MED25: variants seen among roughly 807,000 people sequenced by gnomAD.
MED25 encodes the protein mediator complex subunit 25.
A neutral mutation model predicts 89.4 loss-of-function variants in MED25; 62 were observed. The observed-to-expected ratio is 0.69, with a 90% CI of 0.57 to 0.86. The LOEUF (loss-of-function observed/expected upper bound fraction) is 0.86, where lower values mean the gene tolerates loss of function less well. MED25 is among the 40% of genes least tolerant of loss of function. The pLI, the probability that MED25 is intolerant of heterozygous loss-of-function variation, is 0.00. For missense variants in MED25, 905 were observed against 1,005.2 expected (o/e 0.90, Z 1.35); for synonymous variants, 449 against 427.9 (o/e 1.05, Z -0.61).
chr19:49,832,227 G>A, intron 12 of MED25, 70 bp downstream of exon 12: 1 of 1,562,472 alleles, frequency 6.4e-7, no homozygotes, highest in Admixed American at 1.8e-5. Flanking sequence ...CCTGTTCCCT[G>A]CCCCACCCCC....
At chr19:49,824,756 C>T (rs1474577613) in intron 3 of MED25, among the ~76,000 whole-genome samples, 1 of 152,178 alleles carries the variant, frequency 6.6e-6, no homozygotes, top group African/African-American at 2.4e-5. Flanking sequence ...TAGGCAAGGT[C>T]CTGGCCCTCA....
In MED25 at chr19:49,831,153, G is replaced by A. The variant is rs1414502800; in HGVS notation, c.1102-180G>A. Among the ~76,000 whole-genome samples the A allele has an allele frequency of 6.6e-6, 1 of 152,180 alleles. No individual in the cohort carries two copies. The highest frequency in any genetic ancestry group is 1.5e-5 in the Non-Finnish European group (1 of 68,018). On this transcript the variant is annotated intron_variant, in intron 9 of 17. Coordinates refer to ENST00000312865, the MANE Select transcript of MED25 (RefSeq NM_030973.4). The surrounding 1 kb of genome is among the most constrained non-coding windows in gnomAD (Gnocchi z 5.0). ...GAGTCCAGGGCATCGCACAGCTTACGAGTCCTCGAATCCTGCAAGGTCCAA... is the reference window on the plus strand; with the variant it reads ...GAGTCCAGGGCATCGCACAGCTTACAAGTCCTCGAATCCTGCAAGGTCCAA...
chr19:49,825,870 A>G (rs1250946707), intron 3 of MED25, among the ~76,000 whole-genome samples: 2 of 151,808 alleles, frequency 1.3e-5, no homozygotes, highest in Non-Finnish European at 2.9e-5. Flanking sequence ...GACACCCCAT[A>G]TGCATGAAGC....
downstream of MED25, chr19:49,839,307 G>T (rs2074119383): frequency 6.1e-6 from 1 of 164,400 alleles, no homozygotes; most frequent in Non-Finnish European, 1.3e-5. Context: ...AGGGGGACTT[G>T]GCAGGACACC....
chr19:49,835,274 C>T lies in MED25; in HGVS notation c.1674+97C>T. 7.5e-7 allele frequency: 1 copy of T among 1,330,074 alleles called. No homozygotes were observed. The highest frequency in any genetic ancestry group is 1.1e-6 in the Non-Finnish European group (1 of 923,532). The allele number at this position is 1,330,074 out of a possible 1,614,324, so 82.4% of individuals were successfully genotyped here. A position where few individuals can be genotyped will look rare whatever the true frequency, so the allele number is the denominator to read the frequency against. ...CTCCAGGACCAAGATGCCCACCCTT[C>T]TCCCAATATGTGGTGCCTCCAAGCT... On this transcript the variant is annotated intron_variant, in intron 14 of 17. Coordinates refer to ENST00000312865, the MANE Select transcript of MED25 (RefSeq NM_030973.4). The surrounding 1 kb of genome is among the most constrained non-coding windows in gnomAD (Gnocchi z 6.2).
chr19:49,829,460 G>T lies in MED25; in HGVS notation c.526-326G>T, dbSNP rs557452107. Among the ~76,000 whole-genome samples, 1 of 152,110 alleles carries T rather than the reference G, an allele frequency of 6.6e-6. No individual in the cohort carries two copies. The highest frequency in any genetic ancestry group is 1.5e-5 in the Non-Finnish European group (1 of 68,018). On this transcript the variant is annotated intron_variant, in intron 5 of 17. Transcript: ENST00000312865. This position sits in a 1 kb window ranked among gnomAD's most constrained non-coding sequence, Gnocchi z 4.6. Reference sequence around the variant, plus strand: ...CGCCCAGCTGATTTTTGTATCTTTAGTAGAGATGAGGTTTCACCATGTTGG... The same window carrying T: ...CGCCCAGCTGATTTTTGTATCTTTATTAGAGATGAGGTTTCACCATGTTGG...
chr19:49,827,276 G>C (rs191468865), intron 3 of MED25, among the ~76,000 whole-genome samples: 1 of 152,330 alleles, frequency 6.6e-6, no homozygotes, highest in East Asian at 1.9e-4. Flanking sequence ...CGGATGCTGC[G>C]ACGCGACTGC....
chr19:49,838,206 CGT>C (rs1311062757), downstream of MED25, among the ~76,000 whole-genome samples: 2 of 152,144 alleles, frequency 1.3e-5, no homozygotes, highest in African/African-American at 4.8e-5. Flanking sequence ...TATGGGCCAT[CGT>C]GCGGATGAGT....
At position 49,835,799 on chromosome 19, in the gene MED25, C is replaced by T; in HGVS notation, c.1819C>T (p.Pro607Ser). 1 of 1,606,284 alleles carries T rather than the reference C, an allele frequency of 6.2e-7. No homozygotes were observed. The highest frequency in any genetic ancestry group is 1.7e-5 in the Admixed American group (1 of 59,926). ...CTCTGGGGCCACGGGGCAGCCCCAG[C>T]CCCAAGGTACTGCCCAGCCCCCGCC... ...GASGATGQPQPQGTAQPPPGA... is the reference protein window; with the variant it reads ...GASGATGQPQSQGTAQPPPGA... Residue 607 changes from proline to serine, a missense_variant, in exon 16 of 18, where the codon CCC becomes TCC. Pro to Ser is a moderately conservative substitution (Grantham distance 74). Around this residue, in one of 3 missense-constraint regions of MED25, gnomAD observed 271 missense variants for 258.1 expected, o/e 1.05. Transcript: ENST00000312865. This position sits in a 1 kb window ranked among gnomAD's most constrained non-coding sequence, Gnocchi z 6.2.
chr19:49,828,291 A>G (rs756993141), intron 3 of MED25, among the ~76,000 whole-genome samples, 158 bp from the exon 4 acceptor site: 3 of 151,082 alleles, frequency 2.0e-5, no homozygotes, highest in Non-Finnish European at 4.4e-5. Flanking sequence ...GTGCTGTGCT[A>G]GCACCAGGGA....
Position 49,836,976 on chromosome 19 carries a change from C to T in MED25, c.*32C>T. 1 of 1,547,104 alleles carries T rather than the reference C, an allele frequency of 6.5e-7. No homozygotes were observed. Among genetic ancestry groups the T allele is most frequent in the Non-Finnish European group, 8.9e-7 (1 of 1,126,160 alleles). ...AACACCCAATAAAGTTCCTTTTTAA[C>T]ACACGCCCCGGCTCCCGTCACTGAC... On this transcript the variant is annotated 3_prime_UTR_variant, in exon 18 of 18. Transcript: ENST00000312865. This position sits in a 1 kb window ranked among gnomAD's most constrained non-coding sequence, Gnocchi z 5.1.
Position 49,829,729 on chromosome 19 carries a change from G to C in MED25, c.526-57G>C. On this transcript the variant is annotated intron_variant, in intron 5 of 17. Transcript: ENST00000312865. The surrounding 1 kb of genome is among the most constrained non-coding windows in gnomAD (Gnocchi z 4.6). ...CAGCAGTTGTGGTAGGTTGGGGGCC[G>C]GCCCCAACACCCTTATGGAGGGGGC... is the stretch of plus-strand genomic sequence containing the variant. 6.5e-7 allele frequency: 1 copy of C among 1,527,212 alleles called. No homozygotes were observed. The highest frequency in any genetic ancestry group is 8.9e-7 in the Non-Finnish European group (1 of 1,127,608). The allele number at this position is 1,527,212 out of a possible 1,614,324, so 94.6% of individuals were successfully genotyped here. A position where few individuals can be genotyped will look rare whatever the true frequency, so the allele number is the denominator to read the frequency against.
rs1331420090 is a variant in MED25, at chr19:49,836,317, T to C, written c.2057T>C (p.Leu686Pro). 4 of 1,611,020 alleles carry C rather than the reference T, an allele frequency of 2.5e-6. No homozygotes were observed. Among genetic ancestry groups the C allele is most frequent in the East Asian group, 2.2e-5 (1 of 44,792 alleles). The change falls in exon 17 of 18, where the codon CTG becomes CCG. Residue 686 changes from leucine (L) to proline (P), a missense_variant. This residue lies in a region of MED25 where 271 missense variants were observed against 258.1 expected (regional missense o/e 1.05). Transcript: ENST00000312865. This position sits in a 1 kb window ranked among gnomAD's most constrained non-coding sequence, Gnocchi z 5.1. ...PALLPPPHQG[L>P]GQPQLGPPLL... ...CTGCTGCCTCCGCCGCACCAGGGCC[T>C]GGGGCAGCCCCAGTTGGGGCCCCCA...
intron 4 of MED25, 95 bp downstream of exon 4, chr19:49,828,642 G>A (rs1488791627): frequency 6.5e-6 from 7 of 1,080,942 alleles, no homozygotes; most frequent in Non-Finnish European, 1.0e-5. Context: ...GCCTCACCCT[G>A]TAGGGCATGG....
chr19:49,839,808 TG>T (rs1179674029), downstream of MED25: 1 of 152,226 alleles, frequency 6.6e-6, no homozygotes, highest in Non-Finnish European at 1.5e-5. Context: ...ACCTACGTCC[TG>T]GGGTTGAAGA....
chr19:49,835,650 C>G lies in MED25; in HGVS notation c.1746+45C>G. On this transcript the variant is annotated intron_variant, in intron 15 of 17. Coordinates refer to ENST00000312865, the MANE Select transcript of MED25 (RefSeq NM_030973.4). This position sits in a 1 kb window ranked among gnomAD's most constrained non-coding sequence, Gnocchi z 6.2. ...GGTCGGGGCTGGGTTGGGGAGGCCC[C>G]AAGGCTGCGCTCTGTGCCTGCAGAA... 1.3e-6 allele frequency: 2 copies of G among 1,562,168 alleles called. No individual in the cohort carries two copies. Among genetic ancestry groups the G allele is most frequent in the Non-Finnish European group, 1.7e-6 (2 of 1,153,866 alleles).
chr19:49,819,525 C>A, intron 3 of MED25: 1 of 547,452 alleles, frequency 1.8e-6, no homozygotes, highest in Non-Finnish European at 3.3e-6. Flanking sequence ...GGAAACATCT[C>A]ATACATTAAG....
chr19:49,835,599 G>C lies in MED25; in HGVS notation c.1740G>C (p.Gln580His). The C allele has an allele frequency of 6.4e-7, 1 of 1,561,670 alleles. No individual in the cohort carries two copies. Among genetic ancestry groups the C allele is most frequent in the Non-Finnish European group, 8.7e-7 (1 of 1,153,230 alleles). The change falls in exon 15 of 18, where the codon CAG becomes CAC. Residue 580 changes from glutamine (Q) to histidine (H), a missense_variant. This residue lies in a region of MED25 where 271 missense variants were observed against 258.1 expected (regional missense o/e 1.05). Coordinates refer to ENST00000312865, the MANE Select transcript of MED25 (RefSeq NM_030973.4). The surrounding 1 kb of genome is among the most constrained non-coding windows in gnomAD (Gnocchi z 6.2). Reference sequence around the variant, plus strand: ...TGGAGGACCAAGCCAGGCCCTCACAGAATCTGGTGAGGACAGGGCTGGCGG... The same window carrying C: ...TGGAGGACCAAGCCAGGCCCTCACACAATCTGGTGAGGACAGGGCTGGCGG... Reference protein sequence around the residue: ...PILEDQARPSQNLLQLRPPQP... With the variant: ...PILEDQARPSHNLLQLRPPQP...
intron 3 of MED25, among the ~76,000 whole-genome samples, chr19:49,825,842 A>T (rs2074011916): frequency 2.0e-5 from 3 of 151,656 alleles, no homozygotes; most frequent in African/African-American, 7.3e-5. Flanking sequence ...AAAAAAAAAA[A>T]TTTATCACCC....
Sources: gnomAD v4.1 joint callset for allele counts (sites outside exome capture counted in the v4.1 genomes callset) on GRCh38, gnomAD v4.1.1 for gene constraint, gnomAD v4.1.1 regional missense constraint, Gnocchi (gnomAD v3.1) non-coding constraint, MANE v1.5 for transcripts, NCBI Gene and HGNC (gene_info 2026-07-23, HGNC 2026-07-21) for gene names.